The following HDAC4 variants were observed in gnomAD, a reference collection of about 807,000 sequenced individuals.
HDAC4 encodes histone deacetylase A.
A neutral mutation model predicts 135.1 loss-of-function variants in HDAC4; 16 were observed. The observed-to-expected ratio is 0.12, with a 90% CI of 0.08 to 0.18. The LOEUF (loss-of-function observed/expected upper bound fraction) is 0.18. HDAC4 is among the 10% of genes least tolerant of loss of function. HDAC4 has a pLI of 1.00. For missense variants in HDAC4, 1,143 were observed against 1,511.8 expected, an observed-to-expected ratio of 0.76 and a Z score of 4.05; for synonymous variants, 685 against 653.4, an observed-to-expected ratio of 1.05 and a Z score of -0.74.
At chr2:239,098,623 T>C (rs983906022) in intron 16 of HDAC4, among the ~76,000 whole-genome samples, 1 of 152,238 alleles carries the variant, frequency 6.6e-6, no homozygotes, top group African/African-American at 2.4e-5. Flanking sequence ...CCACGCCTTA[T>C]GTGTGGCATC....
chr2:239,114,381 C>T (rs2038945584), intron 13 of HDAC4, among the ~76,000 whole-genome samples: 1 of 152,196 alleles, frequency 6.6e-6, no homozygotes, highest in Non-Finnish European at 1.5e-5. Flanking sequence ...TTCCTGCCTA[C>T]AGGGAGGAAG....
chr2:239,274,616 T>C (rs78853178), intron 2 of HDAC4, among the ~76,000 whole-genome samples: 5,589 of 152,154 alleles, frequency 0.037, 124 homozygotes, highest in East Asian at 0.08. Context: ...ACCTCGAAAA[T>C]AACCAAAGCA....
chr2:239,049,037 C>T lies in HDAC4; in HGVS notation c.*4060G>A, dbSNP rs1053349935. The stretch of plus-strand genomic sequence containing the variant: ...CAAAACAAAACAAAACAAAATTCCT[C>T]CAAATCAACTCGAGAGAGACAGGCA... On this transcript the variant is annotated 3_prime_UTR_variant, in exon 27 of 27. Transcript: ENST00000543185. The T allele has an allele frequency of 2.6e-5, 4 of 152,100 alleles. No individual in the cohort carries two copies. The highest frequency in any genetic ancestry group is 9.7e-5 in the African/African-American group (4 of 41,358). The allele number at this position is 152,100 out of a possible 1,614,324, so 9.4% of individuals were successfully genotyped here.
At chr2:239,127,958 G>T (rs775855771) in intron 11 of HDAC4, among the ~76,000 whole-genome samples, 1 of 152,178 alleles carries the variant, frequency 6.6e-6, no homozygotes, top group African/African-American at 2.4e-5. Context: ...CTTTGCAGGG[G>T]CTATTTCTAA....
intron 2 of HDAC4, among the ~76,000 whole-genome samples, chr2:239,316,839 G>A (rs145196284): frequency 3.8e-4 from 58 of 152,306 alleles, no homozygotes; most frequent in African/African-American, 1.4e-3. Context: ...TAGGGGACCC[G>A]CTTCTCTGAG....
chr2:239,130,628 A>ATC lies in HDAC4; in HGVS notation c.1294+3615_1294+3616dup, dbSNP rs778798426. Among the ~76,000 whole-genome samples the ATC allele has an allele frequency of 2.8e-4, 39 of 139,050 alleles. 1 individual carries two copies. The highest frequency in any genetic ancestry group is 3.0e-4 in the Non-Finnish European group (18 of 60,150). The allele number at this position is 139,050 out of a possible 152,430, so 91.2% of individuals were successfully genotyped here. ...AGGGCCACCTCCACGAGGCATACAC[A>ATC]TCTCCCTCCACCTGTGCCCTTCCCT... On this transcript the variant is annotated intron_variant, in intron 11 of 26. Transcript: ENST00000543185.
chr2:239,333,305 G>T (rs577540039), intron 2 of HDAC4, among the ~76,000 whole-genome samples: 1 of 152,064 alleles, frequency 6.6e-6, no homozygotes, highest in African/African-American at 2.4e-5. Context: ...GGAAAAAAAC[G>T]TGCAATAGAG....
intron 2 of HDAC4, among the ~76,000 whole-genome samples, chr2:239,241,185 C>T (rs2037555): frequency 0.31 from 46,811 of 151,776 alleles, 8,191 homozygotes; most frequent in African/African-American, 0.47. Flanking sequence ...ATCACAATAC[C>T]GACACACAAG....
rs1474894597 is a variant in HDAC4 at position 239,285,050 on chromosome 2, T to C, written c.23-48386A>G. Among the ~76,000 whole-genome samples the C allele has an allele frequency of 6.6e-6, 1 of 152,164 alleles. No individual in the cohort carries two copies. The highest frequency in any genetic ancestry group is 2.4e-5 in the African/African-American group (1 of 41,444). Reference sequence around the variant, plus strand: ...AGTCGTCTAAATGCATCCATCAGTCTACCAAGCCATCAAATAAAATACATC... The same window carrying C: ...AGTCGTCTAAATGCATCCATCAGTCCACCAAGCCATCAAATAAAATACATC... On this transcript the variant is annotated intron_variant, in intron 2 of 26. Coordinates refer to ENST00000543185, the MANE Select transcript of HDAC4 (RefSeq NM_001378414.1). This position sits in a 1 kb window ranked among gnomAD's most constrained non-coding sequence, Gnocchi z 4.5.
At chr2:239,346,764 AAC>A (rs1692713412) in intron 2 of HDAC4, among the ~76,000 whole-genome samples, 1 of 144,392 alleles carries the variant, frequency 6.9e-6, no homozygotes, top group Non-Finnish European at 1.5e-5. Context: ...ACCCTGTCTA[AAC>A]ACACACCCTA....
chr2:239,282,972 C>T (rs2050902929), intron 2 of HDAC4, among the ~76,000 whole-genome samples: 1 of 152,070 alleles, frequency 6.6e-6, no homozygotes, highest in African/African-American at 2.4e-5. Flanking sequence ...GTACACACCA[C>T]TCTCAATGTA....
At position 239,345,036 on chromosome 2, in the gene HDAC4, G is replaced by A. The variant is rs2125884479; in HGVS notation, c.22+7642C>T. Among the ~76,000 whole-genome samples, 3 of 152,204 alleles carry A rather than the reference G, an allele frequency of 2.0e-5. No individual in the cohort carries two copies. The Middle Eastern group carries it at 0.01, about 518-fold the overall frequency. ...AAGCTCCCCTGGACTCCTGCCAGCT[G>A]GCTGCACCTGCTGCCTACACACCCC... is the stretch of plus-strand genomic sequence containing the variant. On this transcript the variant is annotated intron_variant, in intron 2 of 26. Transcript: ENST00000543185.
intron 1 of HDAC4, among the ~76,000 whole-genome samples, chr2:239,389,333 G>C (rs1158517377): frequency 1.3e-5 from 2 of 152,160 alleles, no homozygotes; most frequent in African/African-American, 4.8e-5. Context: ...TTCACTCTTT[G>C]GGTCCGCACT....
intron 24 of HDAC4, among the ~76,000 whole-genome samples, chr2:239,058,024 A>T (rs2032135056): frequency 6.6e-6 from 1 of 152,190 alleles, no homozygotes; most frequent in Non-Finnish European, 1.5e-5. Context: ...AAACAAAACC[A>T]TTCACGGCCC....
rs112422565 is a variant in HDAC4, at chr2:239,066,015, G to A, written c.3003+707C>T. ...CTTGGAGGTGGATATGACATTGGTAGCTGTGGCACTGCCTCCTCCTCCCAT... is the reference window on the plus strand; with the variant it reads ...CTTGGAGGTGGATATGACATTGGTAACTGTGGCACTGCCTCCTCCTCCCAT... On this transcript the variant is annotated intron_variant, in intron 24 of 26. Transcript: ENST00000543185. Among the ~76,000 whole-genome samples the A allele has an allele frequency of 2.5e-3, 374 of 152,354 alleles. 2 individuals are homozygous for A. The highest frequency in any genetic ancestry group is 8.6e-3 in the African/African-American group (356 of 41,584).
At chr2:239,128,639 T>C (rs535518258) in intron 11 of HDAC4, among the ~76,000 whole-genome samples, 1 of 152,356 alleles carries the variant, frequency 6.6e-6, no homozygotes, top group South Asian at 2.1e-4. Context: ...CACACAAAGC[T>C]GCTTTCAGGG....
chr2:239,325,542 G>A (rs2053444140), intron 2 of HDAC4, among the ~76,000 whole-genome samples: 1 of 152,200 alleles, frequency 6.6e-6, no homozygotes, highest in Admixed American at 6.5e-5. Flanking sequence ...TCACTAGGAT[G>A]ACTATTATTT....
intron 2 of HDAC4, among the ~76,000 whole-genome samples, chr2:239,237,810 A>C (rs1411880850): frequency 6.6e-6 from 1 of 152,176 alleles, no homozygotes; most frequent in Non-Finnish European, 1.5e-5. Context: ...TGGGTGCCAG[A>C]AATAAAAATC....
chr2:239,174,158 A>G (rs768108892), intron 5 of HDAC4, among the ~76,000 whole-genome samples: 1 of 152,236 alleles, frequency 6.6e-6, no homozygotes, highest in Non-Finnish European at 1.5e-5. Context: ...GCACAAAATC[A>G]TCTAAAGGAA....
Sources: gnomAD v4.1 joint callset for allele counts (sites outside exome capture counted in the v4.1 genomes callset) on GRCh38, gnomAD v4.1.1 for gene constraint, Gnocchi (gnomAD v3.1) non-coding constraint, MANE v1.5 for transcripts, NCBI Gene and HGNC (gene_info 2026-07-23, HGNC 2026-07-21) for gene names.